The following FN1 variants were observed in gnomAD, a reference collection of about 807,000 sequenced individuals.
The protein encoded by FN1 is fibronectin.
A neutral mutation model predicts 297.3 loss-of-function variants in FN1; 106 were observed. That is an observed-to-expected ratio of 0.36 (90% CI 0.30 to 0.42). The LOEUF (loss-of-function observed/expected upper bound fraction) is 0.42, where lower values mean the gene tolerates loss of function less well. Ranked by LOEUF, FN1 falls within the 10% of genes least tolerant of loss-of-function variation. FN1 has a pLI of 1.00. For synonymous variants in FN1, 1,149 were observed against 1,152.6 expected (o/e 1.00, Z 0.06); for missense variants, 2,690 against 3,124.9 (o/e 0.86, Z 3.32).
rs754458049 is a variant in FN1 at position 215,425,239 on chromosome 2, C to A, written c.891G>T (p.Gln297His). ...CATAGGGAGGAGGCTGGGGGTGAGG[C>A]TGCGGTTGGTAAACAGCTGCACGAA... ...TDVRAAVYQP[Q>H]PHPQPPPYGH... The change falls in exon 7 of 46, where the codon CAG (glutamine) becomes CAT (histidine). Residue 297 changes from glutamine to histidine, a missense_variant. Coordinates refer to ENST00000354785, the MANE Select transcript of FN1 (RefSeq NM_212482.4). The A allele has an allele frequency of 1.2e-6, 2 of 1,614,152 alleles. No homozygotes were observed. The highest frequency in any genetic ancestry group is 2.2e-5 in the South Asian group (2 of 91,080).
Position 215,372,069 on chromosome 2 carries a change from A to G in FN1, c.6554T>C (p.Val2185Ala), listed in dbSNP as rs766626043. The G allele has an allele frequency of 1.2e-6, 2 of 1,614,216 alleles. No homozygotes were observed. The highest frequency in any genetic ancestry group is 1.3e-5 in the African/African-American group (1 of 75,056). The change falls in exon 40 of 46, where the codon GTA becomes GCA. Residue 2185 changes from valine to alanine, a missense_variant. Transcript: ENST00000354785. ...ACCGTGTGGGTACAGGTGATAGTCTACATCTTCCCTGGGGATGTGACCAAT... is the reference window on the plus strand; with the variant it reads ...ACCGTGTGGGTACAGGTGATAGTCTGCATCTTCCCTGGGGATGTGACCAAT... ...IQIGHIPRED[V>A]DYHLYPHGPG...
chr2:215,423,498 G>A lies in FN1; in HGVS notation c.1245C>T (p.Ser415=), dbSNP rs1463846755. 1.9e-6 allele frequency: 3 copies of A among 1,614,138 alleles called. No homozygotes were observed. The Admixed American group carries it at 5.0e-5, about 27-fold the overall frequency. The change falls in exon 9 of 46, where the codon TCC becomes TCT. Residue 415 remains serine, a synonymous_variant. Transcript: ENST00000354785. ...AGGGGAAGTGGCACAAGGCACCATT[G>A]GAATTTCCTCCTCGAGTCTGAACCA... ...TVLVQTRGGN[S]NGALCHFPFL... is the part of the protein sequence containing the mutation.
chr2:215,430,615 T>C (rs2066340906), intron 5 of FN1, 100 bp downstream of exon 5: 1 of 1,370,678 alleles, frequency 7.3e-7, no homozygotes, highest in Admixed American at 1.8e-5. Context: ...AGCATGCTGA[T>C]ATACTGGATG....
chr2:215,380,716 A>G (rs1407480799), intron 33 of FN1, 95 bp downstream of exon 33: 2 of 1,388,158 alleles, frequency 1.4e-6, no homozygotes, highest in Admixed American at 1.7e-5. Context: ...TTTCACCCTT[A>G]CACGGGAATC....
At chr2:215,371,768 C>A in intron 40 of FN1, 141 bp downstream of exon 40, 1 of 741,684 alleles carries the variant, frequency 1.3e-6, no homozygotes, top group South Asian at 1.5e-5. Flanking sequence ...CTGCCTCGGC[C>A]TCCCAAAGTG....
At chr2:215,423,791 T>C (rs1404550775) in intron 8 of FN1, among the ~76,000 whole-genome samples, 4 of 151,708 alleles carry the variant, frequency 2.6e-5, no homozygotes, top group African/African-American at 7.3e-5. Context: ...GAATAAAACA[T>C]TGTTTTAACT....
In FN1 at chr2:215,373,323, T is replaced by C; in HGVS notation, c.6246A>G (p.Thr2082=). The change falls in exon 39 of 46, where the codon ACA becomes ACG. Residue 2082 remains threonine, a splice_region_variant and synonymous_variant. Transcript: ENST00000354785. The part of the protein sequence containing the change: ...KSEPLIGRKK[T]DELPQLVTLP... ...TTGTTACCTGCAAGATACTCTTACCTGTCTTTTTCCTTCCAATCAGGGGCT... is the reference window on the plus strand; with the variant it reads ...TTGTTACCTGCAAGATACTCTTACCCGTCTTTTTCCTTCCAATCAGGGGCT... The C allele has an allele frequency of 6.2e-7, 1 of 1,611,442 alleles. No homozygotes were observed. Among genetic ancestry groups the C allele is most frequent in the Non-Finnish European group, 8.5e-7 (1 of 1,177,726 alleles).
chr2:215,411,570 G>T (rs991540667), intron 13 of FN1, among the ~76,000 whole-genome samples: 4 of 151,720 alleles, frequency 2.6e-5, no homozygotes, highest in Non-Finnish European at 4.4e-5. Flanking sequence ...AGTCTCAGGT[G>T]GCATCCATTA....
intron 13 of FN1, among the ~76,000 whole-genome samples, chr2:215,413,827 C>T (rs2063045778): frequency 6.6e-6 from 1 of 152,168 alleles, no homozygotes; most frequent in African/African-American, 2.4e-5. Context: ...GATTGATAAC[C>T]TGGCTGAGTA....
chr2:215,397,082 C>T (rs555852706), intron 23 of FN1, 55 bp downstream of exon 23: 1 of 1,104,030 alleles, frequency 9.1e-7, no homozygotes, highest in South Asian at 1.2e-5. Flanking sequence ...TTTCTAAAAT[C>T]TTTGTCTTGG....
intron 9 of FN1, 70 bp downstream of exon 9, chr2:215,423,280 G>A: frequency 6.6e-7 from 1 of 1,504,822 alleles, no homozygotes; most frequent in South Asian, 1.1e-5. Flanking sequence ...GAGTAAACTG[G>A]ACACTAGTCT....
At chr2:215,376,277 A>T (rs2057280882) in intron 36 of FN1, among the ~76,000 whole-genome samples, 1 of 152,196 alleles carries the variant, frequency 6.6e-6, no homozygotes, top group East Asian at 1.9e-4. Flanking sequence ...AAACTTGTTG[A>T]TTGACACTTA....
At chr2:215,401,243 A>AAGGAAGGAAGG (rs1559475433) in intron 20 of FN1, among the ~76,000 whole-genome samples, 2 of 66,812 alleles carry the variant, frequency 3.0e-5, no homozygotes, top group African/African-American at 5.6e-5. Flanking sequence ...AGAAAGAAAG[A>AAGGAAGGAAGG]AAGAAAGGAA....
Position 215,384,939 on chromosome 2 carries a change from C to G in FN1, c.4650G>C (p.Ala1550=). 1 of 1,613,674 alleles carries G rather than the reference C, an allele frequency of 6.2e-7. No individual in the cohort carries two copies. The highest frequency in any genetic ancestry group is 8.5e-7 in the Non-Finnish European group (1 of 1,179,896). Residue 1550 remains alanine (A), a synonymous_variant, in exon 29 of 46, where the codon GCG becomes GCC. Transcript: ENST00000354785. ...DVPRDLEVVA[A]TPTSLLISWD... Reference sequence around the variant, plus strand: ...AGCTGATCAGTAGGCTGGTGGGGGTCGCAGCAACAACTTCCAGGTCCCTCG... The same window carrying G: ...AGCTGATCAGTAGGCTGGTGGGGGTGGCAGCAACAACTTCCAGGTCCCTCG...
Position 215,388,278 on chromosome 2 carries a change from CATATT to C in FN1, c.4271_4275del (p.Glu1424GlyfsTer12). On this transcript the variant is annotated frameshift_variant, in exon 27 of 46. Coordinates refer to ENST00000354785, the MANE Select transcript of FN1 (RefSeq NM_212482.4). LOFTEE classifies it high-confidence loss of function. The stretch of plus-strand genomic sequence containing the variant: ...TCGTAGACACTGGAGACACTCACTA[CATATT>C]CTGTACCAGGCAGGAGATCTGTAGG... 1 of 1,613,826 alleles carries C rather than the reference CATATT, an allele frequency of 6.2e-7. No homozygotes were observed. Among genetic ancestry groups the C allele is most frequent in the South Asian group, 1.1e-5 (1 of 91,088 alleles).
intron 12 of FN1, among the ~76,000 whole-genome samples, chr2:215,418,096 T>C (rs2063690398): frequency 6.6e-6 from 1 of 152,216 alleles, no homozygotes; most frequent in African/African-American, 2.4e-5. Context: ...AAGTGATTCC[T>C]ACACCTAAAT....
In FN1 at chr2:215,384,190, T is replaced by C. The variant is rs1013671283; in HGVS notation, c.4730-6A>G. On this transcript the variant is annotated splice_polypyrimidine_tract_variant and splice_region_variant and intron_variant, in intron 29 of 45. Transcript: ENST00000354785. The stretch of plus-strand genomic sequence containing the variant: ...CTGGACAGGGCTATTTCCTCCTGTA[T>C]GAAAAAGGGTTAGTTCAGAGTGTGA... 3 of 1,614,078 alleles carry C rather than the reference T, an allele frequency of 1.9e-6. No individual in the cohort carries two copies. Among genetic ancestry groups the C allele is most frequent in the Non-Finnish European group, 1.7e-6 (2 of 1,179,946 alleles).
rs758526139 is a variant in FN1 at position 215,391,780 on chromosome 2, G to A, written c.4104C>T (p.Asn1368=). 5 of 1,614,036 alleles carry A rather than the reference G, an allele frequency of 3.1e-6. No individual in the cohort carries two copies. The African/African-American group carries it at 4.0e-5, about 13-fold the overall frequency. Residue 1368 remains asparagine, a synonymous_variant, in exon 26 of 46, where the codon AAC becomes AAT. Transcript: ENST00000354785. ...TGACACGCATGGTGTCTGGACCAAT[G>A]TTGGTGAATCGCAGGTCAGTGGGAG... ...VPPPTDLRFT[N]IGPDTMRVTW...
intron 4 of FN1, 39 bp downstream of exon 4, chr2:215,431,794 A>G (rs777862400): frequency 6.2e-6 from 10 of 1,611,438 alleles, no homozygotes; most frequent in Non-Finnish European, 8.5e-6. Flanking sequence ...CATTAGAACT[A>G]AGCATCCCAG....
Sources: gnomAD v4.1 joint callset for allele counts (sites outside exome capture counted in the v4.1 genomes callset) on GRCh38, gnomAD v4.1.1 for gene constraint, MANE v1.5 for transcripts, NCBI Gene and HGNC (gene_info 2026-07-23, HGNC 2026-07-21) for gene names.